The following SSBP3 variants were observed in gnomAD, a reference collection of about 807,000 sequenced individuals.
SSBP3 encodes single stranded DNA binding protein 3.
A neutral mutation model predicts 69.6 loss-of-function variants in SSBP3; 5 were observed. The observed-to-expected ratio is 0.07, with a 90% CI of 0.04 to 0.15. SSBP3 has a LOEUF of 0.15. SSBP3 is among the 10% of genes least tolerant of loss of function. SSBP3 has a pLI of 1.00. For missense variants in SSBP3, 312 were observed against 534.0 expected, an observed-to-expected ratio of 0.58 and a Z score of 4.10; for synonymous variants, 196 against 193.4, an observed-to-expected ratio of 1.01 and a Z score of -0.11.
At chr1:54,328,151 C>T (rs544357437) in intron 4 of SSBP3, among the ~76,000 whole-genome samples, 18 of 152,238 alleles carry the variant, frequency 1.2e-4, no homozygotes, top group Admixed American at 6.5e-4. Flanking sequence ...ACATGCAGGG[C>T]GGCACTCCTC....
intron 4 of SSBP3, among the ~76,000 whole-genome samples, chr1:54,397,925 T>C (rs1248138832): frequency 2.6e-5 from 4 of 152,218 alleles, no homozygotes; most frequent in Non-Finnish European, 5.9e-5. Flanking sequence ...ACAATTCACC[T>C]TGCGGGGGCT....
At chr1:54,325,597 TACG>T (rs1646287664) in intron 4 of SSBP3, among the ~76,000 whole-genome samples, 1 of 152,220 alleles carries the variant, frequency 6.6e-6, no homozygotes, top group South Asian at 2.1e-4. Flanking sequence ...TGTATCAGAT[TACG>T]ACACCATCAT....
At chr1:54,271,925 A>G (rs1645201458) in intron 5 of SSBP3, among the ~76,000 whole-genome samples, 1 of 152,002 alleles carries the variant, frequency 6.6e-6, no homozygotes, top group Non-Finnish European at 1.5e-5. Flanking sequence ...GCATGCCACC[A>G]TGCCTGGCTA....
intron 5 of SSBP3, among the ~76,000 whole-genome samples, chr1:54,278,499 T>G (rs1252950274): frequency 6.6e-6 from 1 of 152,148 alleles, no homozygotes; most frequent in African/African-American, 2.4e-5. Flanking sequence ...TCATTGTGGG[T>G]GGCCAAAACT....
chr1:54,359,417 G>GA (rs1646918558), intron 4 of SSBP3, among the ~76,000 whole-genome samples: 2 of 152,138 alleles, frequency 1.3e-5, no homozygotes, highest in Non-Finnish European at 2.9e-5. Flanking sequence ...GGATTTTAGA[G>GA]GTTATCGACT....
chr1:54,409,776 C>G (rs1273441563), upstream of SSBP3, among the ~76,000 whole-genome samples: 2 of 152,096 alleles, frequency 1.3e-5, no homozygotes, highest in Non-Finnish European at 2.9e-5. Context: ...TTCCTTCTTT[C>G]TTTTAGGACC....
intron 4 of SSBP3, among the ~76,000 whole-genome samples, chr1:54,367,022 T>A (rs138666382): frequency 2.0e-4 from 30 of 152,298 alleles, no homozygotes; most frequent in Non-Finnish European, 3.7e-4. Context: ...TTATTTACCC[T>A]GCGGGTTCTC....
chr1:54,253,922 A>G (rs1644875067), intron 7 of SSBP3, among the ~76,000 whole-genome samples: 1 of 152,118 alleles, frequency 6.6e-6, no homozygotes, highest in Admixed American at 6.5e-5. Context: ...ATGTGTCGGA[A>G]CTCCAGGAGC....
At chr1:54,325,108 A>C (rs1646277751) in intron 4 of SSBP3, among the ~76,000 whole-genome samples, 2 of 152,212 alleles carry the variant, frequency 1.3e-5, no homozygotes, top group South Asian at 4.1e-4. Flanking sequence ...GGGAACTTTG[A>C]TATCATCTAC....
intron 4 of SSBP3, among the ~76,000 whole-genome samples, chr1:54,372,213 G>GT (rs1647146676): frequency 6.6e-6 from 1 of 152,194 alleles, no homozygotes; most frequent in African/African-American, 2.4e-5. Context: ...GCAAAATGGG[G>GT]TAATACCTGC....
intron 4 of SSBP3, among the ~76,000 whole-genome samples, chr1:54,355,779 C>T (rs1398862383): frequency 1.3e-5 from 2 of 152,166 alleles, no homozygotes; most frequent in East Asian, 1.9e-4. Flanking sequence ...TTCAAGAAGG[C>T]GGCTATTGTA....
intron 4 of SSBP3, among the ~76,000 whole-genome samples, chr1:54,292,357 A>G (rs938821896): frequency 1.3e-5 from 2 of 152,172 alleles, no homozygotes; most frequent in African/African-American, 4.8e-5. Context: ...TAGGTAACCA[A>G]AAGCAAGGCA....
At chr1:54,294,162 AGAAAGAAAGAAAG>A (rs1271315308) in intron 4 of SSBP3, among the ~76,000 whole-genome samples, 1,080 of 75,354 alleles carry the variant, frequency 0.014, 72 homozygotes, top group African/African-American at 0.053. Context: ...AAAAAAAAAA[AGAAAGAAAGAAAG>A]AAAGAAAGAA....
intron 4 of SSBP3, among the ~76,000 whole-genome samples, chr1:54,333,066 C>T (rs575037047): frequency 6.6e-6 from 1 of 152,304 alleles, no homozygotes; most frequent in African/African-American, 2.4e-5. Flanking sequence ...TGGTCACTTC[C>T]CCTCCTGTGG....
At chr1:54,226,502 T>A (rs1234025980) in exon 18 of SSBP3, 1 of 152,880 alleles carries the variant, frequency 6.5e-6, no homozygotes, top group Non-Finnish European at 1.5e-5. Context: ...AAAAAAGGCC[T>A]TTTGAAAGAA....
intron 14 of SSBP3, among the ~76,000 whole-genome samples, chr1:54,235,637 GAGACGGGGTTTCA>G (rs906366317): frequency 6.6e-5 from 10 of 151,808 alleles, no homozygotes; most frequent in African/African-American, 2.4e-4. Flanking sequence ...ATTTTTAGTA[GAGACGGGGTTTCA>G]CCATGTTGGT....
chr1:54,301,453 A>AC (rs1431704180), intron 4 of SSBP3, among the ~76,000 whole-genome samples: 5 of 150,448 alleles, frequency 3.3e-5, no homozygotes, highest in African/African-American at 9.8e-5. Context: ...AGGTCTCAAC[A>AC]CCCCCTACCC....
chr1:54,338,553 T>G (rs1646550690), intron 4 of SSBP3, among the ~76,000 whole-genome samples: 1 of 152,184 alleles, frequency 6.6e-6, no homozygotes, highest in South Asian at 2.1e-4. Context: ...CTATTCAGGG[T>G]AACTGTCCGG....
chr1:54,240,040 G>C (rs1644578191), intron 13 of SSBP3, among the ~76,000 whole-genome samples: 1 of 138,688 alleles, frequency 7.2e-6, no homozygotes, highest in Non-Finnish European at 1.6e-5. Flanking sequence ...AAACATAATT[G>C]TGATGGGGTG....
Sources: gnomAD v4.1 joint callset for allele counts (sites outside exome capture counted in the v4.1 genomes callset) on GRCh38, gnomAD v4.1.1 for gene constraint, MANE v1.5 for transcripts, NCBI Gene and HGNC (gene_info 2026-07-23, HGNC 2026-07-21) for gene names.